The following MDGA2 variants were observed in gnomAD, a reference collection of about 807,000 sequenced individuals.
MDGA2 encodes the protein MAM domain containing glycosylphosphatidylinositol anchor 2.
A neutral mutation model predicts 117.8 loss-of-function variants in MDGA2; 40 were observed. The observed-to-expected ratio is 0.34, with a 90% CI of 0.26 to 0.44. The LOEUF (loss-of-function observed/expected upper bound fraction) is 0.44. Among genes scored for constraint, MDGA2 ranks in the 20% least tolerant of loss-of-function variants. MDGA2 has a pLI of 1.00. For synonymous variants in MDGA2, 452 were observed against 439.0 expected, an observed-to-expected ratio of 1.03 and a Z score of -0.37; for missense variants, 1,123 against 1,250.6, an observed-to-expected ratio of 0.90 and a Z score of 1.54.
At chr14:47,104,266 A>T (rs1401543778) in intron 5 of MDGA2, among the ~76,000 whole-genome samples, 2 of 151,966 alleles carry the variant, frequency 1.3e-5, no homozygotes, top group East Asian at 3.9e-4. Context: ...AGATGGCCTG[A>T]AGTAACTGAA....
intron 1 of MDGA2, among the ~76,000 whole-genome samples, chr14:47,667,289 T>A (rs1897992662): frequency 6.6e-6 from 1 of 152,158 alleles, no homozygotes; most frequent in African/African-American, 2.4e-5. Flanking sequence ...TAGTAAGCAG[T>A]CCAGCACAGG....
At chr14:47,095,061 T>C (rs1594614144) in intron 6 of MDGA2, among the ~76,000 whole-genome samples, 1 of 152,186 alleles carries the variant, frequency 6.6e-6, no homozygotes, top group South Asian at 2.1e-4. Context: ...GGCAGACATT[T>C]AGTCACTGAT....
intron 5 of MDGA2, among the ~76,000 whole-genome samples, chr14:47,101,065 A>T (rs1880278858): frequency 6.7e-6 from 1 of 148,798 alleles, no homozygotes; most frequent in Non-Finnish European, 1.5e-5. Flanking sequence ...ATACTTGATG[A>T]ATGGAGGGAC....
rs1882129729 is a variant in MDGA2, at chr14:46,874,148, A to C, written c.2490T>G (p.Asp830Glu). 6.6e-7 allele frequency: 1 copy of C among 1,516,622 alleles called. No homozygotes were observed. The highest frequency in any genetic ancestry group is 8.8e-7 in the Non-Finnish European group (1 of 1,133,238). The allele number at this position is 1,516,622 out of a possible 1,614,324, so 93.9% of individuals were successfully genotyped here. ...TTGTCCAGTCAAAATTATCTGTATC[A>C]TCTTGAGTGAACAAACAAATATTAC... ...EDGNICLFTQ[D>E]DTDNFDWTKQ... Residue 830 changes from aspartate to glutamate, a missense_variant, in exon 13 of 17, where the codon GAT becomes GAG. Asp to Glu is a conservative substitution (Grantham distance 45). Coordinates refer to ENST00000399232, the MANE Select transcript of MDGA2 (RefSeq NM_001113498.3).
intron 8 of MDGA2, among the ~76,000 whole-genome samples, chr14:47,005,412 G>A (rs1340115839): frequency 6.6e-6 from 1 of 151,374 alleles, no homozygotes; most frequent in Admixed American, 6.6e-5. Flanking sequence ...GAATTATATT[G>A]CTTAACTGTT....
At chr14:46,889,813 G>C (rs1172163358) in intron 10 of MDGA2, among the ~76,000 whole-genome samples, 2 of 152,042 alleles carry the variant, frequency 1.3e-5, no homozygotes, top group Admixed American at 6.6e-5. Flanking sequence ...GCTCCCCCAA[G>C]TGGGACCCAG....
intron 5 of MDGA2, among the ~76,000 whole-genome samples, chr14:47,121,187 C>T (rs958398852): frequency 6.6e-6 from 1 of 151,970 alleles, no homozygotes; most frequent in Non-Finnish European, 1.5e-5. Context: ...AGATAAAAAC[C>T]AGTTTCTATT....
chr14:47,003,696 C>A (rs985718891), intron 8 of MDGA2, among the ~76,000 whole-genome samples: 3 of 151,888 alleles, frequency 2.0e-5, no homozygotes, highest in African/African-American at 7.2e-5. Context: ...TCTAAATTTG[C>A]AAATATTTTA....
intron 1 of MDGA2, among the ~76,000 whole-genome samples, chr14:47,515,070 G>A (rs1477981167): frequency 6.6e-6 from 1 of 152,136 alleles, no homozygotes; most frequent in Non-Finnish European, 1.5e-5. Flanking sequence ...AAACAAATTA[G>A]TTGAAGAACA....
chr14:47,642,485 C>T (rs920900641), intron 1 of MDGA2, among the ~76,000 whole-genome samples: 1 of 152,030 alleles, frequency 6.6e-6, no homozygotes, highest in Non-Finnish European at 1.5e-5. Context: ...TTAGTTCCCA[C>T]AGATTATCTA....
intron 6 of MDGA2, among the ~76,000 whole-genome samples, chr14:47,084,345 C>T (rs1463292819): frequency 2.0e-5 from 3 of 151,862 alleles, no homozygotes; most frequent in Admixed American, 2.0e-4. Flanking sequence ...ACACACTGAA[C>T]TGAATGAAAA....
At chr14:46,997,521 AAATGTTTCCT>A (rs1233093181) in intron 8 of MDGA2, among the ~76,000 whole-genome samples, 1 of 152,152 alleles carries the variant, frequency 6.6e-6, no homozygotes, top group Admixed American at 6.6e-5. Flanking sequence ...GTTATTCTTA[AAATGTTTCCT>A]TAAAATGAGC....
intron 6 of MDGA2, among the ~76,000 whole-genome samples, chr14:47,092,331 T>C (rs996131384): frequency 2.0e-5 from 3 of 152,180 alleles, no homozygotes; most frequent in African/African-American, 7.2e-5. Context: ...AGAATTTTCC[T>C]GGCTCACTTT....
intron 1 of MDGA2, among the ~76,000 whole-genome samples, chr14:47,644,035 G>T (rs1205267413): frequency 6.6e-6 from 1 of 152,074 alleles, no homozygotes; most frequent in African/African-American, 2.4e-5. Context: ...TTTGAAATTA[G>T]TTTATTAGAG....
At chr14:47,201,209 A>AC in intron 3 of MDGA2, 1 of 550,490 alleles carries the variant, frequency 1.8e-6, no homozygotes, top group South Asian at 1.8e-5. Flanking sequence ...GTGGTTTATA[A>AC]CCCCTCTCTC....
At chr14:47,618,983 CCT>C (rs1896997176) in intron 1 of MDGA2, among the ~76,000 whole-genome samples, 1 of 151,922 alleles carries the variant, frequency 6.6e-6, no homozygotes, top group South Asian at 2.1e-4. Flanking sequence ...CTTCCGCAGG[CCT>C]CTTTTTTTTT....
At chr14:47,556,742 T>C (rs1181549451) in intron 1 of MDGA2, among the ~76,000 whole-genome samples, 1 of 152,198 alleles carries the variant, frequency 6.6e-6, no homozygotes, top group Non-Finnish European at 1.5e-5. Context: ...GCTCAGTAAA[T>C]AGTTGCTATT....
intron 3 of MDGA2, among the ~76,000 whole-genome samples, chr14:47,151,217 G>A (rs1883150844): frequency 6.6e-6 from 1 of 152,202 alleles, no homozygotes; most frequent in South Asian, 2.1e-4. Context: ...TTCCAAATAG[G>A]TCAGATGGAG....
At chr14:46,963,688 A>G (rs1270576835) in intron 8 of MDGA2, among the ~76,000 whole-genome samples, 1 of 152,208 alleles carries the variant, frequency 6.6e-6, no homozygotes, top group East Asian at 1.9e-4. Context: ...TTAGTAAAGT[A>G]ACTTCTCCCT....
Sources: gnomAD v4.1 joint callset for allele counts (sites outside exome capture counted in the v4.1 genomes callset) on GRCh38, gnomAD v4.1.1 for gene constraint, MANE v1.5 for transcripts, NCBI Gene and HGNC (gene_info 2026-07-23, HGNC 2026-07-21) for gene names.